CAMTA1: variants seen among roughly 807,000 people sequenced by gnomAD.
The protein encoded by CAMTA1 is calmodulin binding transcription activator 1.
In CAMTA1, 27 loss-of-function variants were observed where a neutral mutation model predicts 170.9. The ratio of observed to expected loss-of-function variants is 0.16; its 90% CI spans 0.12 to 0.22. CAMTA1 has a LOEUF of 0.22. Among genes scored for constraint, CAMTA1 ranks in the 10% least tolerant of loss-of-function variants. The probability of loss-of-function intolerance (pLI) is 1.00; values close to 1 mark genes in which losing one functional copy is unlikely to be tolerated. For synonymous variants in CAMTA1, 833 were observed against 891.5 expected, an observed-to-expected ratio of 0.93 and a Z score of 1.17; for missense variants, 1,619 against 2,217.2, an observed-to-expected ratio of 0.73 and a Z score of 5.42.
chr1:7,667,485 G>A (rs1398571403), intron 9 of CAMTA1, among the ~76,000 whole-genome samples: 1 of 152,148 alleles, frequency 6.6e-6, no homozygotes, highest in Non-Finnish European at 1.5e-5. Flanking sequence ...TAGGACCTGG[G>A]AGATTTGGTC....
intron 4 of CAMTA1, among the ~76,000 whole-genome samples, chr1:7,129,677 G>A (rs548336111): frequency 5.9e-5 from 9 of 152,278 alleles, no homozygotes; most frequent in Admixed American, 5.2e-4. Flanking sequence ...TGTATTTAGA[G>A]TGTACAATTT....
intron 4 of CAMTA1, among the ~76,000 whole-genome samples, chr1:7,148,356 C>T (rs77037178): frequency 0.013 from 2,013 of 151,990 alleles, 43 homozygotes; most frequent in African/African-American, 0.046. Flanking sequence ...CATACACTAC[C>T]CACACACATA....
At chr1:7,696,495 G>GTTT (rs368573981) in intron 11 of CAMTA1, among the ~76,000 whole-genome samples, 7 of 147,400 alleles carry the variant, frequency 4.7e-5, no homozygotes, top group African/African-American at 1.2e-4. Flanking sequence ...TGCCCAGCCA[G>GTTT]TTTTTTTTTT....
At chr1:7,334,269 C>T (rs757994565) in intron 5 of CAMTA1, among the ~76,000 whole-genome samples, 20 of 152,278 alleles carry the variant, frequency 1.3e-4, no homozygotes, top group East Asian at 9.7e-4. Context: ...GCAGAGGAGC[C>T]CTTGACTAGT....
At chr1:6,785,904 C>T (rs112799937) in intron 1 of CAMTA1, among the ~76,000 whole-genome samples, 1,724 of 148,440 alleles carry the variant, frequency 0.012, 27 homozygotes, top group African/African-American at 0.04. Context: ...CTCCCCCACC[C>T]GGACCGGGCA....
chr1:7,297,593 G>C (rs946747197), intron 5 of CAMTA1, among the ~76,000 whole-genome samples: 6 of 152,162 alleles, frequency 3.9e-5, no homozygotes, highest in Non-Finnish European at 5.9e-5. Context: ...GTACTCACAG[G>C]GTACCTCCAG....
At chr1:7,696,632 G>A (rs1343655096) in intron 11 of CAMTA1, among the ~76,000 whole-genome samples, 1 of 152,060 alleles carries the variant, frequency 6.6e-6, no homozygotes, top group Non-Finnish European at 1.5e-5. Flanking sequence ...GGGCTGTAGG[G>A]TACACGGCAT....
At chr1:7,753,021 G>C (rs189189585) in intron 21 of CAMTA1, among the ~76,000 whole-genome samples, 1 of 152,144 alleles carries the variant, frequency 6.6e-6, no homozygotes, top group South Asian at 2.1e-4. Flanking sequence ...TCATGTAATC[G>C]CCAACATGCT....
At chr1:7,284,933 G>A (rs1672144483) in intron 5 of CAMTA1, among the ~76,000 whole-genome samples, 2 of 152,212 alleles carry the variant, frequency 1.3e-5, no homozygotes, top group Admixed American at 6.5e-5. Flanking sequence ...GCCCAGTGGA[G>A]GGAGCCCTCC....
At chr1:7,053,289 C>T (rs1044625621) in intron 3 of CAMTA1, among the ~76,000 whole-genome samples, 2 of 152,196 alleles carry the variant, frequency 1.3e-5, no homozygotes, top group South Asian at 4.1e-4. Context: ...CACTTCCCTC[C>T]AGTTCTGTTT....
intron 6 of CAMTA1, among the ~76,000 whole-genome samples, chr1:7,632,449 C>G (rs955783953): frequency 2.0e-5 from 3 of 152,224 alleles, no homozygotes; most frequent in East Asian, 1.9e-4. Flanking sequence ...TGACTGAGCC[C>G]CAGAAGAAAC....
intron 6 of CAMTA1, among the ~76,000 whole-genome samples, chr1:7,505,355 A>G (rs2094086102): frequency 6.6e-6 from 1 of 152,134 alleles, no homozygotes; most frequent in Non-Finnish European, 1.5e-5. Flanking sequence ...TTTAGGGCCT[A>G]CCTGAGGGGT....
chr1:7,365,891 T>C (rs1369519417), intron 5 of CAMTA1, among the ~76,000 whole-genome samples: 2 of 152,172 alleles, frequency 1.3e-5, no homozygotes, highest in African/African-American at 4.8e-5. Flanking sequence ...CCTGCTCCTC[T>C]CTGGAGGCTG....
chr1:6,822,794 C>CCACACACA lies in CAMTA1; in HGVS notation c.116-2273_116-2266dup, dbSNP rs3061932. 2.6e-3 allele frequency among the ~76,000 whole-genome samples: 379 copies of CCACACACA among 146,580 alleles called. 1 individual carries two copies. The highest frequency in any genetic ancestry group is 7.9e-3 in the African/African-American group (314 of 39,816). On this transcript the variant is annotated intron_variant, in intron 2 of 22. Coordinates refer to ENST00000303635, the MANE Select transcript of CAMTA1 (RefSeq NM_015215.4). Reference sequence around the variant, plus strand: ...GAAGAGTACCTTTATTACATAAATACCACACACACACACACACACACACAC... The same window carrying CCACACACA: ...GAAGAGTACCTTTATTACATAAATACCACACACACACACACACACACACACACACACAC...
At chr1:7,242,506 G>A (rs919781229) in intron 4 of CAMTA1, among the ~76,000 whole-genome samples, 2 of 152,128 alleles carry the variant, frequency 1.3e-5, no homozygotes, top group Non-Finnish European at 2.9e-5. Flanking sequence ...TGTAGGGTAG[G>A]TATGATTTTA....
At chr1:7,075,864 T>C (rs1263079171) in intron 3 of CAMTA1, among the ~76,000 whole-genome samples, 2 of 151,594 alleles carry the variant, frequency 1.3e-5, no homozygotes, top group Non-Finnish European at 2.9e-5. Flanking sequence ...GGTTTCGTCA[T>C]GTTGGCCAGG....
intron 11 of CAMTA1, among the ~76,000 whole-genome samples, chr1:7,716,000 A>G (rs1313761906): frequency 6.6e-6 from 1 of 152,228 alleles, no homozygotes; most frequent in African/African-American, 2.4e-5. Context: ...ATTTATCAGA[A>G]GGGTCTATGA....
At chr1:7,371,016 A>G (rs1464909304) in intron 5 of CAMTA1, among the ~76,000 whole-genome samples, 3 of 140,872 alleles carry the variant, frequency 2.1e-5, no homozygotes, top group African/African-American at 8.0e-5. Context: ...GGTTCACACC[A>G]TTCTCCTGCC....
At chr1:7,735,783 G>T (rs547908078) in intron 12 of CAMTA1, among the ~76,000 whole-genome samples, 8 of 151,800 alleles carry the variant, frequency 5.3e-5, no homozygotes, top group Non-Finnish European at 1.0e-4. Flanking sequence ...TGTTGTTGTT[G>T]TTTTTTGAGA....
Sources: allele counts gnomAD v4.1 joint callset (sites outside exome capture counted in the v4.1 genomes callset), GRCh38; gene constraint gnomAD v4.1.1; transcripts MANE v1.5; gene names NCBI Gene and HGNC (gene_info 2026-07-23, HGNC 2026-07-21).